Variants in TRIQK observed in about 807,000 individuals in gnomAD.
The protein encoded by TRIQK is triple QxxK/R motif-containing protein.
TRIQK carries 10 observed loss-of-function variants against 10.8 expected under a neutral mutation model. That is an observed-to-expected ratio of 0.92 (90% CI 0.57 to 1.57). TRIQK has a LOEUF of 1.57. Among genes scored for constraint, TRIQK ranks in the 40% most tolerant of loss-of-function variants. The pLI is 0.00. For synonymous variants in TRIQK, 33 were observed against 33.7 expected (o/e 0.98, Z 0.07); for missense variants, 107 against 97.7 (o/e 1.09, Z -0.40).
At position 92,966,081 on chromosome 8, in the gene TRIQK, CA is replaced by C. The variant is rs1409632807; in HGVS notation, c.-256del. Reference sequence around the variant, plus strand: ...TGTTGCTGTCCACGGTTCTGTCACTCAGGGGCAGGGGCGGGACAAGCCAGCC... The same window carrying C: ...TGTTGCTGTCCACGGTTCTGTCACTCGGGGCAGGGGCGGGACAAGCCAGCC... On this transcript the variant is annotated 5_prime_UTR_variant, in exon 1 of 5. Transcript: ENST00000521988. The C allele has an allele frequency of 6.6e-6, 1 of 152,494 alleles. No individual in the cohort carries two copies. Among genetic ancestry groups the C allele is most frequent in the Non-Finnish European group, 1.5e-5 (1 of 68,274 alleles). 9.4% of individuals were successfully genotyped at this position (152,494 alleles called of 1,614,324 possible).
chr8:92,928,287 G>C (rs1326935301), intron 2 of TRIQK, among the ~76,000 whole-genome samples: 1 of 152,162 alleles, frequency 6.6e-6, no homozygotes, highest in East Asian at 1.9e-4. Context: ...CCAGGAGTCA[G>C]CTGTAGCCTT....
intron 1 of TRIQK, among the ~76,000 whole-genome samples, chr8:93,006,772 A>G (rs2130760610): frequency 6.6e-6 from 1 of 151,758 alleles, no homozygotes; most frequent in Non-Finnish European, 1.5e-5. Context: ...CAGGACTTAG[A>G]CTCCTCCCTC....
chr8:92,888,015 C>T (rs974934134), intron 4 of TRIQK, among the ~76,000 whole-genome samples: 4 of 151,620 alleles, frequency 2.6e-5, no homozygotes, highest in Non-Finnish European at 4.4e-5. Context: ...AGTAGAAACA[C>T]TTTGGCATCT....
chr8:93,009,236 A>G (rs560568124), intron 1 of TRIQK, among the ~76,000 whole-genome samples: 2 of 152,340 alleles, frequency 1.3e-5, no homozygotes, highest in East Asian at 3.9e-4. Context: ...AAAATGTTCA[A>G]CATTACTAAT....
At chr8:92,919,431 A>G (rs1810051374) in intron 2 of TRIQK, among the ~76,000 whole-genome samples, 1 of 151,770 alleles carries the variant, frequency 6.6e-6, no homozygotes, top group African/African-American at 2.4e-5. Flanking sequence ...TGCTGTTGTG[A>G]TACATCATGT....
At chr8:92,906,898 G>C (rs988434332) in intron 3 of TRIQK, among the ~76,000 whole-genome samples, 1 of 130,792 alleles carries the variant, frequency 7.6e-6, no homozygotes, top group Non-Finnish European at 1.7e-5. Context: ...GTCTCAAAAA[G>C]AAAAAAAAAA....
At chr8:92,897,812 G>A (rs1029541863) in intron 3 of TRIQK, among the ~76,000 whole-genome samples, 3 of 151,980 alleles carry the variant, frequency 2.0e-5, no homozygotes, top group African/African-American at 7.2e-5. Context: ...TGTGCATGCA[G>A]GTATATGTGT....
At chr8:92,901,024 A>AT (rs993883659) in intron 3 of TRIQK, among the ~76,000 whole-genome samples, 4 of 150,772 alleles carry the variant, frequency 2.7e-5, no homozygotes, top group Non-Finnish European at 4.4e-5. Context: ...TACTTTCTTG[A>AT]TTTTTTTTCA....
At chr8:92,917,583 T>A (rs977805456) in intron 2 of TRIQK, among the ~76,000 whole-genome samples, 5 of 151,970 alleles carry the variant, frequency 3.3e-5, no homozygotes, top group African/African-American at 7.2e-5. Context: ...ACTGTTCGAT[T>A]TAATCTACCT....
chr8:92,984,787 C>G (rs1813017471), intron 1 of TRIQK, among the ~76,000 whole-genome samples: 1 of 151,946 alleles, frequency 6.6e-6, no homozygotes, highest in Non-Finnish European at 1.5e-5. Flanking sequence ...TATTTTGTTT[C>G]TCTCTCTTCT....
chr8:92,902,274 T>G (rs1280774772), intron 3 of TRIQK, among the ~76,000 whole-genome samples: 1 of 152,140 alleles, frequency 6.6e-6, no homozygotes, highest in East Asian at 1.9e-4. Context: ...GATAGAAGAC[T>G]TGCCTCTGGC....
chr8:92,919,036 T>A (rs1023427888), intron 2 of TRIQK, among the ~76,000 whole-genome samples: 3 of 151,862 alleles, frequency 2.0e-5, no homozygotes. Context: ...AGACTCTAAG[T>A]GTGTGGATTT....
chr8:92,946,301 G>T (rs572385387), intron 2 of TRIQK, among the ~76,000 whole-genome samples: 1 of 152,194 alleles, frequency 6.6e-6, no homozygotes, highest in East Asian at 1.9e-4. Context: ...AAACAAGCCA[G>T]AGCTTTAATA....
At chr8:93,013,213 T>G (rs1486200454) in intron 1 of TRIQK, among the ~76,000 whole-genome samples, 3 of 152,188 alleles carry the variant, frequency 2.0e-5, no homozygotes, top group African/African-American at 7.2e-5. Flanking sequence ...AAATTCCCAA[T>G]TAAAGAGTAA....
intron 3 of TRIQK, among the ~76,000 whole-genome samples, chr8:92,900,539 G>T (rs1400658412): frequency 6.6e-6 from 1 of 151,998 alleles, no homozygotes; most frequent in Non-Finnish European, 1.5e-5. Flanking sequence ...TATCAAAAAT[G>T]AGCTCACTGT....
At chr8:92,891,448 T>C (rs911097856) in intron 4 of TRIQK, among the ~76,000 whole-genome samples, 4 of 151,880 alleles carry the variant, frequency 2.6e-5, no homozygotes, top group Non-Finnish European at 5.9e-5. Context: ...TGTTAGCACA[T>C]TAAATTAATA....
At position 92,944,010 on chromosome 8, in the gene TRIQK, A is replaced by G. The variant is rs533058248; in HGVS notation, c.-22+10396T>C. 5.6e-4 allele frequency among the ~76,000 whole-genome samples: 86 copies of G among 152,270 alleles called. 1 individual carries two copies. Among genetic ancestry groups the G allele is most frequent in the African/African-American group, 2.0e-3 (84 of 41,564 alleles). On this transcript the variant is annotated intron_variant, in intron 2 of 4. Transcript: ENST00000521988. Reference sequence around the variant, plus strand: ...CTATATTAGGAAGTCGATCAACTCAATACAAAAAAAACCCCAAATAATCTC... The same window carrying G: ...CTATATTAGGAAGTCGATCAACTCAGTACAAAAAAAACCCCAAATAATCTC...
At chr8:92,894,413 A>G (rs1816913573) in intron 3 of TRIQK, among the ~76,000 whole-genome samples, 1 of 152,016 alleles carries the variant, frequency 6.6e-6, no homozygotes, top group Non-Finnish European at 1.5e-5. Flanking sequence ...AATATAAAAT[A>G]TAGAAGTCCC....
chr8:92,939,435 A>G (rs2130598885), intron 2 of TRIQK, among the ~76,000 whole-genome samples: 1 of 152,204 alleles, frequency 6.6e-6, no homozygotes, highest in African/African-American at 2.4e-5. Flanking sequence ...TGCCTACCCA[A>G]TGACTCCATA....
Sources: gnomAD v4.1 joint callset for allele counts (sites outside exome capture counted in the v4.1 genomes callset) on GRCh38, gnomAD v4.1.1 for gene constraint, MANE v1.5 for transcripts, NCBI Gene and HGNC (gene_info 2026-07-23, HGNC 2026-07-21) for gene names.